Variants in KIAA1217 observed in about 807,000 individuals in gnomAD.
The protein encoded by KIAA1217 is KIAA1217.
In KIAA1217, 88 loss-of-function variants were observed where a neutral mutation model predicts 163.9. The observed-to-expected ratio is 0.54, with a 90% CI of 0.45 to 0.64. The LOEUF is 0.64. KIAA1217 is among the 30% of genes least tolerant of loss of function. KIAA1217 has a pLI of 0.00. For synonymous variants in KIAA1217, 903 were observed against 923.1 expected, an observed-to-expected ratio of 0.98 and a Z score of 0.39; for missense variants, 2,372 against 2,475.0, an observed-to-expected ratio of 0.96 and a Z score of 0.88.
intron 1 of KIAA1217, among the ~76,000 whole-genome samples, chr10:23,852,654 A>C (rs1467582098): frequency 1.3e-5 from 2 of 152,152 alleles, no homozygotes; most frequent in Non-Finnish European, 2.9e-5. Flanking sequence ...TGAGCATGGA[A>C]TGTTCTTCCA....
In KIAA1217 at chr10:24,524,701, G is replaced by A. The variant is rs1458155127; in HGVS notation, c.2835G>A (p.Met945Ile). The change falls in exon 13 of 21, where the codon ATG (methionine) becomes ATA (isoleucine). Residue 945 changes from methionine (M) to isoleucine (I), a missense_variant. Physicochemically the swap from Met to Ile is conservative, Grantham distance 10. Transcript: ENST00000376454. ...AGATACCCATGAATGGGTCTGCCAT[G>A]CAGAGCTTGTTCATTGAAGAAATCC... Reference protein sequence around the residue: ...SPQIPMNGSAMQSLFIEEIHS... With the variant: ...SPQIPMNGSAIQSLFIEEIHS... 2 of 1,612,922 alleles carry A rather than the reference G, an allele frequency of 1.2e-6. No homozygotes were observed. Among genetic ancestry groups the A allele is most frequent in the African/African-American group, 2.7e-5 (2 of 75,042 alleles).
intron 1 of KIAA1217, among the ~76,000 whole-genome samples, chr10:23,913,895 G>T (rs183900164): frequency 7.0e-4 from 106 of 152,236 alleles, no homozygotes; most frequent in African/African-American, 2.4e-3. Flanking sequence ...CACAGGGAAG[G>T]CATGGCTGGC....
At chr10:23,908,204 G>C (rs781327602) in intron 1 of KIAA1217, among the ~76,000 whole-genome samples, 6 of 152,134 alleles carry the variant, frequency 3.9e-5, no homozygotes, top group Non-Finnish European at 7.4e-5. Context: ...TAGAGTGAAG[G>C]GAAGGTGGTC....
At chr10:24,072,024 C>T (rs955444823) in intron 2 of KIAA1217, among the ~76,000 whole-genome samples, 1 of 151,968 alleles carries the variant, frequency 6.6e-6, no homozygotes, top group Non-Finnish European at 1.5e-5. Flanking sequence ...AAATATTACT[C>T]TATTTCACTT....
chr10:23,932,520 A>C (rs1843300857), intron 1 of KIAA1217, among the ~76,000 whole-genome samples: 1 of 150,090 alleles, frequency 6.7e-6, no homozygotes. Context: ...CACAACTTTG[A>C]AGAAATGTGT....
intron 2 of KIAA1217, among the ~76,000 whole-genome samples, chr10:24,070,265 G>A (rs2061133560): frequency 6.6e-6 from 1 of 151,580 alleles, no homozygotes; most frequent in South Asian, 2.1e-4. Context: ...GAAAGATAAT[G>A]GCTGAGACTA....
chr10:23,699,483 G>A (rs1189336356), intron 1 of KIAA1217, among the ~76,000 whole-genome samples: 1 of 152,182 alleles, frequency 6.6e-6, no homozygotes, highest in African/African-American at 2.4e-5. Flanking sequence ...TTCTCCATTG[G>A]ATGGTGCTTG....
At chr10:24,006,893 A>G (rs1018717464) in intron 1 of KIAA1217, among the ~76,000 whole-genome samples, 5 of 152,096 alleles carry the variant, frequency 3.3e-5, no homozygotes, top group African/African-American at 1.2e-4. Context: ...TCTGATTCTC[A>G]ATTGGCCTCT....
chr10:23,763,368 C>G (rs1834356939), intron 1 of KIAA1217, among the ~76,000 whole-genome samples: 1 of 152,174 alleles, frequency 6.6e-6, no homozygotes, highest in Admixed American at 6.5e-5. Flanking sequence ...AACTATACTA[C>G]AAGGCTACAG....
chr10:23,941,368 T>C (rs1000006650), intron 1 of KIAA1217, among the ~76,000 whole-genome samples: 2 of 152,154 alleles, frequency 1.3e-5, no homozygotes, highest in African/African-American at 4.8e-5. Context: ...CTTAGCAGAA[T>C]ATAAACAACA....
At chr10:24,054,359 A>C (rs1849732321) in intron 2 of KIAA1217, among the ~76,000 whole-genome samples, 1 of 152,192 alleles carries the variant, frequency 6.6e-6, no homozygotes, top group East Asian at 1.9e-4. Flanking sequence ...AGTGCTATTT[A>C]AAGCCATGGG....
intron 3 of KIAA1217, among the ~76,000 whole-genome samples, chr10:24,387,761 C>T (rs1422362075): frequency 6.6e-6 from 1 of 152,026 alleles, no homozygotes; most frequent in Non-Finnish European, 1.5e-5. Context: ...ACACCAATAA[C>T]AGACAAACAG....
Position 23,979,677 on chromosome 10 carries a change from T to C in KIAA1217, c.-320-27548T>C, listed in dbSNP as rs1048148396. On this transcript the variant is annotated intron_variant, in intron 1 of 18. Transcript: ENST00000376462. Reference sequence around the variant, plus strand: ...CAGGTGAGGTGTGCTTGTCCCTCTCTGCCCAGCCTCTCTCACAGGCTTGTC... The same window carrying C: ...CAGGTGAGGTGTGCTTGTCCCTCTCCGCCCAGCCTCTCTCACAGGCTTGTC... Among the ~76,000 whole-genome samples, 3 of 152,174 alleles carry C rather than the reference T, an allele frequency of 2.0e-5. No homozygotes were observed. In the East Asian group the frequency reaches 5.8e-4, roughly 29 times the overall value.
Position 23,816,524 on chromosome 10 carries a change from C to T in KIAA1217, c.-321+121290C>T, listed in dbSNP as rs572699592. Reference sequence around the variant, plus strand: ...GCCAGTCTTGTCTCAAACTCCTGGCCGGGTGCGGTGGCTCATGCTATAATC... The same window carrying T: ...GCCAGTCTTGTCTCAAACTCCTGGCTGGGTGCGGTGGCTCATGCTATAATC... On this transcript the variant is annotated intron_variant, in intron 1 of 18. Coordinates refer to the KIAA1217 transcript ENST00000376462. 1.4e-4 allele frequency among the ~76,000 whole-genome samples: 21 copies of T among 152,178 alleles called. 1 individual carries two copies. The East Asian group carries it at 2.3e-3, about 17-fold the overall frequency.
intron 6 of KIAA1217, among the ~76,000 whole-genome samples, chr10:24,488,166 T>C (rs962929894): frequency 6.6e-6 from 1 of 152,210 alleles, no homozygotes; most frequent in African/African-American, 2.4e-5. Context: ...AACACCATTC[T>C]GAGTTAGAAC....
intron 5 of KIAA1217, among the ~76,000 whole-genome samples, chr10:24,455,570 C>T (rs2061706269): frequency 6.6e-6 from 1 of 152,224 alleles, no homozygotes; most frequent in South Asian, 2.1e-4. Context: ...CTGAGAGCCT[C>T]TAAACACATA....
intron 3 of KIAA1217, among the ~76,000 whole-genome samples, chr10:24,384,437 G>C (rs979336462): frequency 6.6e-6 from 1 of 152,050 alleles, no homozygotes; most frequent in Non-Finnish European, 1.5e-5. Context: ...CGTTTGTTAC[G>C]ATCAATGAAA....
chr10:24,207,269 C>CTT (rs2067604827), upstream of KIAA1217, among the ~76,000 whole-genome samples: 2 of 101,976 alleles, frequency 2.0e-5, no homozygotes, highest in African/African-American at 8.9e-5. Context: ...TACAGTGTTT[C>CTT]TCTCTCTCTC....
chr10:24,105,759 C>T (rs2062601346), intron 2 of KIAA1217, among the ~76,000 whole-genome samples: 1 of 152,154 alleles, frequency 6.6e-6, no homozygotes. Context: ...GGTGAAGAAA[C>T]AAATGAAAAG....
Sources: gnomAD v4.1 joint callset for allele counts (sites outside exome capture counted in the v4.1 genomes callset) on GRCh38, gnomAD v4.1.1 for gene constraint, MANE v1.5 for transcripts, NCBI Gene and HGNC (gene_info 2026-07-23, HGNC 2026-07-21) for gene names.